MGAM2: variants seen among roughly 807,000 people sequenced by gnomAD.
MGAM2 encodes maltase-glucoamylase 2 (putative).
A neutral mutation model predicts 96.1 loss-of-function variants in MGAM2; 98 were observed. The ratio of observed to expected loss-of-function variants is 1.02; its 90% CI spans 0.87 to 1.21. The LOEUF (loss-of-function observed/expected upper bound fraction) is 1.21, where lower values mean the gene tolerates loss of function less well. Among genes scored for constraint, MGAM2 ranks in the 50% most tolerant of loss-of-function variants. The probability of loss-of-function intolerance (pLI) is 0.00; values close to 1 mark genes in which losing one functional copy is unlikely to be tolerated. For missense variants in MGAM2, 2,055 were observed against 1,182.4 expected (o/e 1.74, Z -10.82); for synonymous variants, 749 against 414.8 (o/e 1.81, Z -9.79).
chr7:142,138,183 C>G (rs1036380497), intron 9 of MGAM2, among the ~76,000 whole-genome samples: 8 of 152,194 alleles, frequency 5.3e-5, no homozygotes, highest in African/African-American at 1.9e-4. Flanking sequence ...TTTATTTCCT[C>G]TAAGCTCTCT....
At position 142,220,132 on chromosome 7, in the gene MGAM2, A is replaced by C; in HGVS notation, c.5621A>C (p.Asn1874Thr). Residue 1874 changes from asparagine (N) to threonine (T), a missense_variant, in exon 48 of 48, where the codon AAT becomes ACT. Coordinates refer to ENST00000477922, the MANE Select transcript of MGAM2 (RefSeq NM_001293626.2). ...CCAAGTACTACTAGTGTTACAACTA[A>C]TACTACTGTTCCTGATACAACTTCT... Reference protein sequence around the residue: ...SFPSTTSVTTNTTVPDTTSPF... With the variant: ...SFPSTTSVTTTTTVPDTTSPF... The C allele has an allele frequency of 1.4e-6, 1 of 702,868 alleles. No individual in the cohort carries two copies. 43.5% of individuals were successfully genotyped at this position (702,868 alleles called of 1,614,324 possible).
At chr7:142,128,367 A>AT (rs1210281560) in intron 3 of MGAM2, among the ~76,000 whole-genome samples, 1 of 152,220 alleles carries the variant, frequency 6.6e-6, no homozygotes, top group Non-Finnish European at 1.5e-5. Context: ...AGAAAAACCC[A>AT]TTTTCTGAGG....
At chr7:142,123,951 A>G (rs1794659323) in intron 3 of MGAM2, among the ~76,000 whole-genome samples, 1 of 149,782 alleles carries the variant, frequency 6.7e-6, no homozygotes, top group South Asian at 2.1e-4. Context: ...GTATCAGGTA[A>G]GAGTCCAGAA....
intron 34 of MGAM2, among the ~76,000 whole-genome samples, chr7:142,185,585 C>T (rs1472100737): frequency 6.6e-6 from 1 of 151,988 alleles, no homozygotes; most frequent in Admixed American, 6.6e-5. Context: ...TTCACTTGCC[C>T]CTGGATGACA....
At chr7:142,139,305 A>G (rs186465829) in intron 10 of MGAM2, among the ~76,000 whole-genome samples, 1 of 152,312 alleles carries the variant, frequency 6.6e-6, no homozygotes, top group African/African-American at 2.4e-5. Flanking sequence ...CATGTGGCTA[A>G]TGAATTTATC....
At chr7:142,200,943 T>C (rs1405749785) in intron 45 of MGAM2, among the ~76,000 whole-genome samples, 1 of 150,716 alleles carries the variant, frequency 6.6e-6, no homozygotes, top group Non-Finnish European at 1.5e-5. Context: ...TCTAACATAA[T>C]GACAGAAACA....
chr7:142,198,920 G>T (rs1042442811), intron 44 of MGAM2, among the ~76,000 whole-genome samples, 181 bp downstream of exon 44: 1 of 152,208 alleles, frequency 6.6e-6, no homozygotes, highest in African/African-American at 2.4e-5. Flanking sequence ...AGTTCATAAA[G>T]TTAGTCTTAG....
Position 142,186,135 on chromosome 7 carries a change from C to G in MGAM2, c.4122+12C>G, listed in dbSNP as rs1188214960. 1 of 668,766 alleles carries G rather than the reference C, an allele frequency of 1.5e-6. No individual in the cohort carries two copies. The highest frequency in any genetic ancestry group is 1.6e-5 in the South Asian group (1 of 60,888). The allele number at this position is 668,766 out of a possible 1,614,324, so 41.4% of individuals were successfully genotyped here. A position where few individuals can be genotyped will look rare whatever the true frequency, so the allele number is the denominator to read the frequency against. On this transcript the variant is annotated intron_variant, in intron 35 of 47. Coordinates refer to ENST00000477922, the MANE Select transcript of MGAM2 (RefSeq NM_001293626.2). ...ATGGATTGTGGATTGTAAGTGCACC[C>G]TTGGTTGTCTTTTTTTTTTTTTTGG...
At chr7:142,142,522 G>GTGTT (rs1795259126) in intron 12 of MGAM2, among the ~76,000 whole-genome samples, 1 of 108,200 alleles carries the variant, frequency 9.2e-6, no homozygotes, top group African/African-American at 3.4e-5. Flanking sequence ...ATAGTGGTGT[G>GTGTT]TGTTTTTTTT....
In MGAM2 at chr7:142,116,996, T is replaced by C. The variant is rs774313439; in HGVS notation, c.106+17T>C. The C allele has an allele frequency of 4.1e-5, 29 of 703,022 alleles. No homozygotes were observed. Among genetic ancestry groups the C allele is most frequent in the South Asian group, 3.8e-4 (26 of 67,596 alleles). 43.5% of individuals were successfully genotyped at this position (703,022 alleles called of 1,614,324 possible). On this transcript the variant is annotated intron_variant, in intron 2 of 47. Transcript: ENST00000477922. The stretch of plus-strand genomic sequence containing the variant: ...AAACTTCAGGTAAGGGAGATGCTTG[T>C]AGGTTGGAAGGCTGGGTAAAGGAAG...
In MGAM2 at chr7:142,116,977, C is replaced by G. The variant is rs1176513782; in HGVS notation, c.104C>G (p.Ser35Ter). 1.4e-6 allele frequency: 1 copy of G among 703,038 alleles called. No individual in the cohort carries two copies. The highest frequency in any genetic ancestry group is 2.6e-6 in the Non-Finnish European group (1 of 384,982). 43.5% of individuals were successfully genotyped at this position (703,038 alleles called of 1,614,324 possible). The part of the protein sequence containing the change: ...LLLLLVLEET[S>*]DTSFTPECPE... ...CTGCTTCTTGTGTTGGAGGAAACTT[C>G]AGGTAAGGGAGATGCTTGTAGGTTG... The change falls in exon 2 of 48, where the codon TCA becomes TGA. Residue 35 changes from serine (S) to a stop codon, truncating the protein, a stop_gained and splice_region_variant. Transcript: ENST00000477922. LOFTEE classifies it high-confidence loss of function.
chr7:142,177,429 C>A (rs747202699), intron 32 of MGAM2, among the ~76,000 whole-genome samples: 1 of 152,176 alleles, frequency 6.6e-6, no homozygotes, highest in Non-Finnish European at 1.5e-5. Context: ...AGACCCAAAC[C>A]ATATCAGAGT....
chr7:142,192,585 C>CT (rs1404526846), intron 37 of MGAM2, among the ~76,000 whole-genome samples: 2 of 152,162 alleles, frequency 1.3e-5, no homozygotes, highest in Admixed American at 6.5e-5. Flanking sequence ...TAGAAATTTT[C>CT]TTTTGGCAAA....
chr7:142,130,928 A>G lies in MGAM2; in HGVS notation c.187-20A>G. The G allele has an allele frequency of 2.8e-6, 2 of 702,304 alleles. No homozygotes were observed. Among genetic ancestry groups the G allele is most frequent in the South Asian group, 3.0e-5 (2 of 67,564 alleles). The allele number at this position is 702,304 out of a possible 1,614,324, so 43.5% of individuals were successfully genotyped here. On this transcript the variant is annotated intron_variant, in intron 3 of 47. Transcript: ENST00000477922. Reference sequence around the variant, plus strand: ...CCTTCCCTCAGTTTATATACTGCTAACTCTGTGTCATTGTTACAGGATATC... The same window carrying G: ...CCTTCCCTCAGTTTATATACTGCTAGCTCTGTGTCATTGTTACAGGATATC...
At chr7:142,163,280 T>TATTG (rs1456486380) in intron 23 of MGAM2, among the ~76,000 whole-genome samples, 1 of 152,176 alleles carries the variant, frequency 6.6e-6, no homozygotes, top group Non-Finnish European at 1.5e-5. Context: ...TAAGTTTGTT[T>TATTG]TTTTGTTTTG....
chr7:142,177,140 G>A (rs1796403263), intron 32 of MGAM2, among the ~76,000 whole-genome samples: 1 of 152,044 alleles, frequency 6.6e-6, no homozygotes, highest in Admixed American at 6.6e-5. Context: ...CTTGAGATTG[G>A]GCAATTTACA....
intron 32 of MGAM2, among the ~76,000 whole-genome samples, chr7:142,178,614 T>C (rs1796446744): frequency 6.6e-6 from 1 of 152,126 alleles, no homozygotes; most frequent in Non-Finnish European, 1.5e-5. Context: ...TAAAGAATTC[T>C]TTCCTTCTTG....
chr7:142,198,801 G>A (rs1267086996), intron 44 of MGAM2, 62 bp downstream of exon 44: 3 of 659,382 alleles, frequency 4.5e-6, no homozygotes, highest in Non-Finnish European at 5.5e-6. Context: ...AGCCTTACAG[G>A]AGGCTGTCCC....
At position 142,161,755 on chromosome 7, in the gene MGAM2, G is replaced by A. The variant is rs528407064; in HGVS notation, c.2435-200G>A. 1.4e-4 allele frequency among the ~76,000 whole-genome samples: 22 copies of A among 152,266 alleles called. No individual in the cohort carries two copies. The South Asian group carries it at 1.9e-3, about 13-fold the overall frequency. On this transcript the variant is annotated intron_variant, in intron 22 of 47. Transcript: ENST00000477922. ...AAATCAAAATGTTTTACATGCCAGC[G>A]AAATGGTACCACAGACTGACATGTG...
Sources: gnomAD v4.1 joint callset for allele counts (sites outside exome capture counted in the v4.1 genomes callset) on GRCh38, gnomAD v4.1.1 for gene constraint, MANE v1.5 for transcripts, NCBI Gene and HGNC (gene_info 2026-07-23, HGNC 2026-07-21) for gene names.